The following FAM178B variants were observed in gnomAD, a reference collection of about 807,000 sequenced individuals.
The protein encoded by FAM178B is family with sequence similarity 178 member B, also known as protein FAM178B.
FAM178B carries 82 observed loss-of-function variants against 91.7 expected under a neutral mutation model. That is an observed-to-expected ratio of 0.89 (90% CI 0.75 to 1.07). The LOEUF is 1.07. Among genes scored for constraint, FAM178B ranks in the 50% least tolerant of loss-of-function variants. The pLI is 0.00. For synonymous variants in FAM178B, 368 were observed against 359.4 expected (o/e 1.02, Z -0.27); for missense variants, 769 against 846.7 (o/e 0.91, Z 1.14).
At chr2:96,983,820 C>T (rs1180331760) in intron 1 of FAM178B, among the ~76,000 whole-genome samples, 1 of 152,192 alleles carries the variant, frequency 6.6e-6, no homozygotes, top group Non-Finnish European at 1.5e-5. Context: ...TTGTTGCATG[C>T]TATATGCCTG....
chr2:96,876,178 G>A lies in FAM178B; in HGVS notation c.*98C>T. The A allele has an allele frequency of 7.9e-7, 1 of 1,272,164 alleles. No individual in the cohort carries two copies. Among genetic ancestry groups the A allele is most frequent in the Non-Finnish European group, 1.1e-6 (1 of 897,480 alleles). The allele number at this position is 1,272,164 out of a possible 1,614,324, so 78.8% of individuals were successfully genotyped here. On this transcript the variant is annotated 3_prime_UTR_variant, in exon 17 of 17. Coordinates refer to ENST00000490605, the MANE Select transcript of FAM178B (RefSeq NM_001122646.3). ...TGCCTCATCAGGCTGGTCAGCATGT[G>A]GCCTCCTCTGGCCTTGATGCTTCGC...
chr2:96,903,673 C>T (rs2080977866), intron 12 of FAM178B, among the ~76,000 whole-genome samples: 1 of 152,188 alleles, frequency 6.6e-6, no homozygotes, highest in Admixed American at 6.5e-5. Context: ...CACAGGGAGG[C>T]AAAGAGGCTG....
intron 8 of FAM178B, among the ~76,000 whole-genome samples, chr2:96,947,612 A>T (rs1372344758): frequency 6.6e-6 from 1 of 152,230 alleles, no homozygotes; most frequent in Non-Finnish European, 1.5e-5. Flanking sequence ...CTGAGATCTG[A>T]GGCCAGTTCA....
At chr2:96,885,699 T>C (rs933173177) in intron 14 of FAM178B, among the ~76,000 whole-genome samples, 4 of 152,178 alleles carry the variant, frequency 2.6e-5, no homozygotes, top group African/African-American at 9.7e-5. Flanking sequence ...CCTCTCTGGC[T>C]TCCTGCTGGT....
At chr2:96,897,967 G>A (rs2080855147) in intron 13 of FAM178B, 12 of 985,474 alleles carry the variant, frequency 1.2e-5, no homozygotes, top group Non-Finnish European at 1.4e-5. Context: ...TCTCCAACGT[G>A]TGCTTCTGCT....
chr2:96,918,177 T>TAA (rs1210907357), intron 12 of FAM178B, among the ~76,000 whole-genome samples: 8 of 118,610 alleles, frequency 6.7e-5, no homozygotes, highest in South Asian at 2.7e-4. Flanking sequence ...ACTGAAAAAG[T>TAA]AAAAAAAAAA....
rs181494004 is a variant in FAM178B, at chr2:96,885,731, C to G, written c.1777-7238G>C. Reference sequence around the variant, plus strand: ...TGGTGGGGGTCAGGGAGATGACAGGCAGGGATTGGCGGGGTCTTCCTGCTG... The same window carrying G: ...TGGTGGGGGTCAGGGAGATGACAGGGAGGGATTGGCGGGGTCTTCCTGCTG... On this transcript the variant is annotated intron_variant, in intron 14 of 16. Transcript: ENST00000490605. 1.3e-5 allele frequency among the ~76,000 whole-genome samples: 2 copies of G among 152,282 alleles called. 1 individual carries two copies. The highest frequency in any genetic ancestry group is 3.9e-4 in the East Asian group (2 of 5,176).
chr2:96,941,509 C>T (rs767264084), intron 8 of FAM178B, among the ~76,000 whole-genome samples: 1 of 152,168 alleles, frequency 6.6e-6, no homozygotes, highest in South Asian at 2.1e-4. Context: ...CCAGTGGCCA[C>T]GAGGCCAGAG....
chr2:96,950,505 C>T (rs2081907107), intron 7 of FAM178B, among the ~76,000 whole-genome samples: 1 of 152,182 alleles, frequency 6.6e-6, no homozygotes, highest in South Asian at 2.1e-4. Flanking sequence ...AATAATCCGC[C>T]CCACATGATG....
chr2:96,921,974 C>T (rs1280040134), intron 10 of FAM178B, among the ~76,000 whole-genome samples: 1 of 152,100 alleles, frequency 6.6e-6, no homozygotes, highest in African/African-American at 2.4e-5. Flanking sequence ...AGGAGGTTGG[C>T]ACGATACAGC....
chr2:96,985,986 A>T (rs1430385457), intron 1 of FAM178B, among the ~76,000 whole-genome samples: 2 of 152,202 alleles, frequency 1.3e-5, no homozygotes, highest in East Asian at 3.8e-4. Context: ...CCAAAACATA[A>T]ACCAGTTCTC....
At chr2:96,900,216 T>TC (rs1224249778) in intron 13 of FAM178B, among the ~76,000 whole-genome samples, 1 of 151,882 alleles carries the variant, frequency 6.6e-6, no homozygotes, top group East Asian at 1.9e-4. Context: ...CATCTTGTGC[T>TC]CCCCCCTGCC....
At chr2:96,911,066 C>T (rs1298929864) in intron 12 of FAM178B, among the ~76,000 whole-genome samples, 1 of 152,072 alleles carries the variant, frequency 6.6e-6, no homozygotes, top group Non-Finnish European at 1.5e-5. Context: ...CCGTGCCTGG[C>T]CCTAGAATCT....
At chr2:96,885,709 T>TG (rs1047988800) in intron 14 of FAM178B, among the ~76,000 whole-genome samples, 4 of 152,056 alleles carry the variant, frequency 2.6e-5, no homozygotes, top group Admixed American at 6.5e-5. Flanking sequence ...TTCCTGCTGG[T>TG]GGGGGTCAGG....
At chr2:96,970,626 G>A in intron 4 of FAM178B, 90 bp downstream of exon 4, 2 of 1,030,742 alleles carry the variant, frequency 1.9e-6, no homozygotes, top group Non-Finnish European at 3.0e-6. Flanking sequence ...GGAGGCCGCT[G>A]TACTCCGACC....
At chr2:96,901,631 CA>C (rs1319343247) in intron 13 of FAM178B, among the ~76,000 whole-genome samples, 1 of 151,920 alleles carries the variant, frequency 6.6e-6, no homozygotes, top group African/African-American at 2.4e-5. Flanking sequence ...TAAACAACAA[CA>C]AAAAAATGGG....
At chr2:96,880,095 G>A (rs1041453922) in intron 14 of FAM178B, among the ~76,000 whole-genome samples, 14 of 152,214 alleles carry the variant, frequency 9.2e-5, no homozygotes, top group East Asian at 7.7e-4. Flanking sequence ...GCAACCATTC[G>A]GTCAGGAAAT....
intron 14 of FAM178B, among the ~76,000 whole-genome samples, chr2:96,883,956 C>A (rs1337624946): frequency 1.3e-5 from 2 of 152,224 alleles, no homozygotes; most frequent in Non-Finnish European, 2.9e-5. Flanking sequence ...CACGAGTCCT[C>A]TCAGGACAGA....
chr2:96,972,620 C>G lies in FAM178B; in HGVS notation c.74-14G>C. On this transcript the variant is annotated splice_polypyrimidine_tract_variant and intron_variant, in intron 1 of 16. Transcript: ENST00000490605. ...GGGACATCTGTCCTGGAAGGAAGCG[C>G]CTGTGAGGGCAGGTGAACCTCCAGA... 1.9e-6 allele frequency: 3 copies of G among 1,550,578 alleles called. No homozygotes were observed. The highest frequency in any genetic ancestry group is 2.4e-5 in the South Asian group (2 of 84,050).
Sources: gnomAD v4.1 joint callset for allele counts (sites outside exome capture counted in the v4.1 genomes callset) on GRCh38, gnomAD v4.1.1 for gene constraint, MANE v1.5 for transcripts, NCBI Gene and HGNC (gene_info 2026-07-23, HGNC 2026-07-21) for gene names.